HIBCH: variants seen among roughly 807,000 people sequenced by gnomAD.
HIBCH encodes the protein 3-hydroxyisobutyryl-CoA hydrolase, mitochondrial.
HIBCH carries 50 observed loss-of-function variants against 58.2 expected under a neutral mutation model. The ratio of observed to expected loss-of-function variants is 0.86; its 90% CI spans 0.68 to 1.09. The LOEUF (loss-of-function observed/expected upper bound fraction) is 1.09, where lower values mean the gene tolerates loss of function less well. HIBCH is among the 50% of genes least tolerant of loss of function. The probability of loss-of-function intolerance (pLI) is 0.00; values close to 1 mark genes in which losing one functional copy is unlikely to be tolerated. For synonymous variants in HIBCH, 151 were observed against 146.9 expected, an observed-to-expected ratio of 1.03 and a Z score of -0.20; for missense variants, 450 against 449.7, an observed-to-expected ratio of 1.00 and a Z score of -0.01.
chr2:190,252,406 G>A (rs2105941849), intron 7 of HIBCH, 99 bp from the exon 8 acceptor site: 2 of 975,862 alleles, frequency 2.0e-6, no homozygotes, highest in Non-Finnish European at 3.2e-6. Flanking sequence ...TCTCTCTGGA[G>A]CTTGAATATA....
At chr2:190,222,042 A>G (rs1055240488) in intron 11 of HIBCH, among the ~76,000 whole-genome samples, 1 of 152,216 alleles carries the variant, frequency 6.6e-6, no homozygotes, top group Non-Finnish European at 1.5e-5. Flanking sequence ...CCCTCCACTG[A>G]GCTGCTAACA....
At chr2:190,195,235 T>A (rs760371586) in intron 1 of HIBCH, among the ~76,000 whole-genome samples, 10 of 152,220 alleles carry the variant, frequency 6.6e-5, no homozygotes, top group Non-Finnish European at 8.8e-5. Context: ...AAGAAGGACA[T>A]CTTGCTTGCT....
intron 1 of HIBCH, among the ~76,000 whole-genome samples, chr2:190,313,163 CTTTG>C (rs1401636648): frequency 2.6e-5 from 4 of 152,170 alleles, no homozygotes; most frequent in Non-Finnish European, 5.9e-5. Context: ...GCTAGTAACT[CTTTG>C]TTAAGCCCTA....
intron 3 of HIBCH, among the ~76,000 whole-genome samples, chr2:190,295,999 CACTGTTA>C (rs1688094127): frequency 6.6e-6 from 1 of 152,210 alleles, no homozygotes; most frequent in Non-Finnish European, 1.5e-5. Flanking sequence ...TCCCAGCCTA[CACTGTTA>C]ATAAATAGAA....
At chr2:190,248,044 A>G (rs1387180344) in intron 9 of HIBCH, among the ~76,000 whole-genome samples, 4 of 152,168 alleles carry the variant, frequency 2.6e-5, no homozygotes, top group African/African-American at 9.7e-5. Flanking sequence ...TCTTTGAATT[A>G]CCTTTATAAC....
At chr2:190,270,052 C>T (rs1207349255) in intron 6 of HIBCH, among the ~76,000 whole-genome samples, 1 of 152,086 alleles carries the variant, frequency 6.6e-6, no homozygotes. Flanking sequence ...GAACATCACA[C>T]ACCGGGGCCT....
chr2:190,227,974 A>G (rs1433085028), intron 11 of HIBCH, among the ~76,000 whole-genome samples: 1 of 152,184 alleles, frequency 6.6e-6, no homozygotes, highest in Non-Finnish European at 1.5e-5. Flanking sequence ...TAGTTCAACC[A>G]TTGTGGAAGA....
At chr2:190,265,999 T>C (rs1687224698) in intron 6 of HIBCH, among the ~76,000 whole-genome samples, 1 of 152,240 alleles carries the variant, frequency 6.6e-6, no homozygotes, top group Non-Finnish European at 1.5e-5. Flanking sequence ...TCTTTTTTTT[T>C]TTGTATTTTG....
At position 190,243,900 on chromosome 2, in the gene HIBCH, G is replaced by A. The variant is rs967149118; in HGVS notation, c.891+987C>T. Among the ~76,000 whole-genome samples, 18 of 152,286 alleles carry A rather than the reference G, an allele frequency of 1.2e-4. No homozygotes were observed. The highest frequency in any genetic ancestry group is 4.1e-4 in the African/African-American group (17 of 41,550). On this transcript the variant is annotated intron_variant, in intron 11 of 13. Transcript: ENST00000359678. The surrounding 1 kb of genome is among the most constrained non-coding windows in gnomAD (Gnocchi z 4.1). Reference sequence around the variant, plus strand: ...TGTGAGGATTGCTTGAGCCTGGGAGGCTGAGGCTGCAGTGAGTTGTGATTG... The same window carrying A: ...TGTGAGGATTGCTTGAGCCTGGGAGACTGAGGCTGCAGTGAGTTGTGATTG...
chr2:190,255,511 C>T (rs1686894089), intron 7 of HIBCH, among the ~76,000 whole-genome samples: 1 of 152,126 alleles, frequency 6.6e-6, no homozygotes, highest in African/African-American at 2.4e-5. Flanking sequence ...AGACTTATCC[C>T]CCTACCTGAA....
chr2:190,199,392 T>TA (rs1690131170), downstream of HIBCH, among the ~76,000 whole-genome samples: 1 of 144,172 alleles, frequency 6.9e-6, no homozygotes, highest in African/African-American at 2.9e-5. Flanking sequence ...TAGCCCTTGG[T>TA]ATAGATAAAT....
chr2:190,193,894 C>T (rs983272842), intron 1 of HIBCH, among the ~76,000 whole-genome samples: 4 of 151,950 alleles, frequency 2.6e-5, no homozygotes, highest in Non-Finnish European at 5.9e-5. Context: ...CTGATTTAAA[C>T]TTTTCTTCTT....
intron 7 of HIBCH, among the ~76,000 whole-genome samples, chr2:190,256,050 A>T (rs1168687419): frequency 6.6e-6 from 1 of 152,138 alleles, no homozygotes; most frequent in South Asian, 2.1e-4. Context: ...TGAGGAGCAA[A>T]GGGGGAAGAG....
chr2:190,203,807 G>C (rs1690319467), downstream of HIBCH: 1 of 152,120 alleles, frequency 6.6e-6, no homozygotes, highest in South Asian at 2.1e-4. Context: ...TCATCTATGA[G>C]AAGGGTGCAG....
chr2:190,310,651 A>T (rs560389065), intron 2 of HIBCH, 103 bp downstream of exon 2: 1 of 927,672 alleles, frequency 1.1e-6, no homozygotes, highest in East Asian at 2.4e-5. Flanking sequence ...GATGTACCTA[A>T]GGTCAAGGAA....
At position 190,213,001 on chromosome 2, in the gene HIBCH, C is replaced by A. The variant is rs757209758; in HGVS notation, c.966G>T (p.Leu322Phe). ...RQLMEGSSKT[L>F]QEVLTMEYRL... ...GATACTCCATAGTTAGTACTTCTTG[C>A]AAGGTCTTTGAAGACCCCTCCATGA... Residue 322 changes from leucine to phenylalanine, a missense_variant, in exon 12 of 14, where the codon TTG becomes TTT. Physicochemically the swap from Leu to Phe is conservative, Grantham distance 22 (BLOSUM62 0). Coordinates refer to ENST00000359678, the MANE Select transcript of HIBCH (RefSeq NM_014362.4). 12 of 1,611,518 alleles carry A rather than the reference C, an allele frequency of 7.4e-6. No individual in the cohort carries two copies. The highest frequency in any genetic ancestry group is 1.3e-5 in the African/African-American group (1 of 74,844).
chr2:190,200,068 T>C (rs764328491), downstream of HIBCH: 1 of 1,614,082 alleles, frequency 6.2e-7, no homozygotes, highest in South Asian at 1.1e-5. Flanking sequence ...TCAGGATATC[T>C]TGTGTGATGC....
chr2:190,203,660 A>G (rs1690314356), downstream of HIBCH, among the ~76,000 whole-genome samples: 1 of 152,154 alleles, frequency 6.6e-6, no homozygotes, highest in Admixed American at 6.5e-5. Context: ...CTTTAAGAGT[A>G]TAAATGTAAA....
At chr2:190,277,305 C>T (rs763944895) in intron 6 of HIBCH, among the ~76,000 whole-genome samples, 2 of 152,102 alleles carry the variant, frequency 1.3e-5, no homozygotes, top group Non-Finnish European at 2.9e-5. Context: ...TACTGTGCTA[C>T]TCTTCATGGT....
Sources: gnomAD v4.1 joint callset for allele counts (sites outside exome capture counted in the v4.1 genomes callset) on GRCh38, gnomAD v4.1.1 for gene constraint, Gnocchi (gnomAD v3.1) non-coding constraint, MANE v1.5 for transcripts, NCBI Gene and HGNC (gene_info 2026-07-23, HGNC 2026-07-21) for gene names.